The following CNGB3 variants were observed in gnomAD, a reference collection of about 807,000 sequenced individuals.
The protein encoded by CNGB3 is cyclic nucleotide-gated channel beta-3.
Under a neutral mutation model 92.8 loss-of-function variants are expected in CNGB3, and 86 were observed. The observed-to-expected ratio is 0.93, with a 90% confidence interval of 0.78 to 1.11. CNGB3 has a LOEUF of 1.11. Ranked by LOEUF, CNGB3 falls within the 50% of genes least tolerant of loss-of-function variation. The pLI is 0.00. For missense variants in CNGB3, 1,026 were observed against 956.8 expected (o/e 1.07, Z -0.95); for synonymous variants, 333 against 332.7 (o/e 1.00, Z -0.01).
intron 15 of CNGB3, among the ~76,000 whole-genome samples, chr8:86,591,151 A>G (rs1822025326): frequency 6.7e-6 from 1 of 149,990 alleles, no homozygotes; most frequent in Admixed American, 6.7e-5. Flanking sequence ...AGGCTTCTGC[A>G]TTCTTCACGT....
At chr8:86,599,305 C>A (rs1051365039) in intron 15 of CNGB3, among the ~76,000 whole-genome samples, 1 of 152,158 alleles carries the variant, frequency 6.6e-6, no homozygotes, top group African/African-American at 2.4e-5. Context: ...TCATCATCTT[C>A]GTAAACTGAG....
chr8:86,645,047 G>A (rs1351605070), intron 8 of CNGB3, among the ~76,000 whole-genome samples: 2 of 151,278 alleles, frequency 1.3e-5, no homozygotes, highest in East Asian at 3.9e-4. Flanking sequence ...ACATAAAAGA[G>A]GAAAAGTATA....
At position 86,739,681 on chromosome 8, in the gene CNGB3, G is replaced by C; in HGVS notation, c.185C>G (p.Ser62Cys). Residue 62 changes from serine to cysteine, a missense_variant, in exon 2 of 18, where the codon TCT (serine) becomes TGT (cysteine). Transcript: ENST00000320005. Reference sequence around the variant, plus strand: ...TTGTATGTTGGTGTGTGGCTCTTCAGACGTGACTGGAGTTGACTTGGTTTT... The same window carrying C: ...TTGTATGTTGGTGTGTGGCTCTTCACACGTGACTGGAGTTGACTTGGTTTT... ...SLKTKSTPVT[S>C]EEPHTNIQDK... 6.2e-7 allele frequency: 1 copy of C among 1,605,242 alleles called. No homozygotes were observed. The highest frequency in any genetic ancestry group is 1.4e-5 in the African/African-American group (1 of 72,594).
In CNGB3 at chr8:86,723,565, G is replaced by T. The variant is rs181656481; in HGVS notation, c.338+2966C>A. Among the ~76,000 whole-genome samples the T allele has an allele frequency of 4.6e-5, 7 of 152,118 alleles. No homozygotes were observed. The East Asian group carries it at 9.7e-4, about 21-fold the overall frequency. On this transcript the variant is annotated intron_variant, in intron 3 of 17. Transcript: ENST00000320005. ...CTCTGTCCCTAGGATTCTAGATATG[G>T]TAACTGTTGTCACCCATGAGATTGG... is the stretch of plus-strand genomic sequence containing the variant.
intron 3 of CNGB3, among the ~76,000 whole-genome samples, chr8:86,685,550 A>C (rs1824169855): frequency 6.6e-6 from 1 of 152,144 alleles, no homozygotes; most frequent in Non-Finnish European, 1.5e-5. Context: ...AAGGGTAAAA[A>C]GTCCTGAGTT....
intron 3 of CNGB3, among the ~76,000 whole-genome samples, chr8:86,701,678 ACATAGCTCTCT>A (rs1824559567): frequency 6.6e-6 from 1 of 152,210 alleles, no homozygotes; most frequent in South Asian, 2.1e-4. Context: ...TATATTTAAA[ACATAGCTCTCT>A]TACTGGACAA....
chr8:86,741,492 C>T (rs1042376978), intron 1 of CNGB3, among the ~76,000 whole-genome samples: 7 of 151,876 alleles, frequency 4.6e-5, no homozygotes, highest in African/African-American at 1.7e-4. Context: ...GGTGAAACCC[C>T]GTCTCTACTA....
chr8:86,734,936 C>T (rs1456042184), intron 2 of CNGB3, among the ~76,000 whole-genome samples: 1 of 150,792 alleles, frequency 6.6e-6, no homozygotes, highest in African/African-American at 2.4e-5. Context: ...TTATTTTATA[C>T]ATGAGCAAAA....
intron 3 of CNGB3, among the ~76,000 whole-genome samples, chr8:86,696,182 G>A (rs1405367548): frequency 1.3e-5 from 2 of 152,164 alleles, no homozygotes; most frequent in African/African-American, 4.8e-5. Flanking sequence ...GATTAGCCAG[G>A]GCGTTGCAGG....
At chr8:86,737,586 A>ACCGGGAGGCGGAGCTTGCAGTGAGCCGAG (rs1563771147) in intron 2 of CNGB3, among the ~76,000 whole-genome samples, 1 of 152,166 alleles carries the variant, frequency 6.6e-6, no homozygotes, top group Non-Finnish European at 1.5e-5. Context: ...TAAAAATTAA[A>ACCGGGAGGCGGAGCTTGCAGTGAGCCGAG]AACGTAAAAA....
At chr8:86,643,961 G>T in intron 9 of CNGB3, 88 bp from the exon 10 acceptor site, 1 of 1,430,730 alleles carries the variant, frequency 7.0e-7, no homozygotes, top group Non-Finnish European at 9.6e-7. Context: ...AAAGTCACCA[G>T]CGAACCCCTT....
intron 15 of CNGB3, among the ~76,000 whole-genome samples, chr8:86,579,793 T>C (rs1259324282): frequency 1.3e-5 from 2 of 152,244 alleles, no homozygotes; most frequent in African/African-American, 4.8e-5. Flanking sequence ...CTACAGCTCC[T>C]GACACATGGA....
In CNGB3 at chr8:86,735,352, C is replaced by T. The variant is rs143574470; in HGVS notation, c.211+4303G>A. On this transcript the variant is annotated intron_variant, in intron 2 of 17. Transcript: ENST00000320005. Reference sequence around the variant, plus strand: ...AGAGACGGGGTTTCACCGTGTTAGCCAGGAGAAAAATGGTTGTATTTTGTA... The same window carrying T: ...AGAGACGGGGTTTCACCGTGTTAGCTAGGAGAAAAATGGTTGTATTTTGTA... 5.3e-3 allele frequency among the ~76,000 whole-genome samples: 797 copies of T among 151,642 alleles called. 1 individual carries two copies. Among genetic ancestry groups the T allele is most frequent in the Non-Finnish European group, 8.2e-3 (557 of 67,860 alleles).
At chr8:86,676,899 T>C (rs1166532351) in intron 3 of CNGB3, among the ~76,000 whole-genome samples, 7 of 152,222 alleles carry the variant, frequency 4.6e-5, no homozygotes, top group Admixed American at 2.6e-4. Context: ...CATCTGCTCA[T>C]GAATATAGTA....
Position 86,576,133 on chromosome 8 carries a change from G to C in CNGB3, c.2104-3C>G. 6.2e-7 allele frequency: 1 copy of C among 1,600,908 alleles called. No individual in the cohort carries two copies. The highest frequency in any genetic ancestry group is 1.1e-5 in the South Asian group (1 of 89,670). On this transcript the variant is annotated splice_polypyrimidine_tract_variant and splice_region_variant and intron_variant, in intron 17 of 17. Transcript: ENST00000320005. ...CCTCCTTCAGAATTTTCTTTCTTCTGGAAGGAGCAATTACAAAGAACTGGT... is the reference window on the plus strand; with the variant it reads ...CCTCCTTCAGAATTTTCTTTCTTCTCGAAGGAGCAATTACAAAGAACTGGT...
intron 15 of CNGB3, among the ~76,000 whole-genome samples, chr8:86,598,284 T>G (rs1352220652): frequency 6.6e-6 from 1 of 152,176 alleles, no homozygotes; most frequent in Non-Finnish European, 1.5e-5. Context: ...GCCACTGCAG[T>G]TGTCCAGTGA....
chr8:86,653,089 A>G (rs1823437664), intron 7 of CNGB3, among the ~76,000 whole-genome samples: 1 of 152,098 alleles, frequency 6.6e-6, no homozygotes, highest in Non-Finnish European at 1.5e-5. Context: ...TTATAATCTT[A>G]TGGGACCATC....
chr8:86,682,666 A>C (rs1359308638), intron 3 of CNGB3, among the ~76,000 whole-genome samples: 1 of 152,188 alleles, frequency 6.6e-6, no homozygotes, highest in Admixed American at 6.6e-5. Flanking sequence ...GGTTCCATTC[A>C]AAACAATTCA....
intron 12 of CNGB3, among the ~76,000 whole-genome samples, chr8:86,627,608 TA>T (rs1822873223): frequency 6.6e-6 from 1 of 152,224 alleles, no homozygotes. Context: ...AAGAACAAAC[TA>T]AAAGTTGAGT....
Sources: allele counts gnomAD v4.1 joint callset (sites outside exome capture counted in the v4.1 genomes callset), GRCh38; gene constraint gnomAD v4.1.1; transcripts MANE v1.5; gene names NCBI Gene and HGNC (gene_info 2026-07-23, HGNC 2026-07-21).